Variants in LYRM4 observed in about 807,000 individuals in gnomAD.
The protein encoded by LYRM4 is LYR motif containing 4, also known as LYR motif-containing protein 4.
In LYRM4, 9 loss-of-function variants were observed where a neutral mutation model predicts 11.7. That is an observed-to-expected ratio of 0.77 (90% confidence interval 0.46 to 1.34). LYRM4 has a LOEUF of 1.34. LYRM4 is among the 40% of genes most tolerant of loss of function. LYRM4 has a pLI of 0.00. For missense variants in LYRM4, 133 were observed against 112.5 expected, an observed-to-expected ratio of 1.18 and a Z score of -0.82; for synonymous variants, 42 against 40.4, an observed-to-expected ratio of 1.04 and a Z score of -0.15.
At chr6:5,161,217 T>A (rs534650356) in intron 2 of LYRM4, among the ~76,000 whole-genome samples, 1 of 152,200 alleles carries the variant, frequency 6.6e-6, no homozygotes, top group Non-Finnish European at 1.5e-5. Context: ...AAAACTATGT[T>A]AAGAATTAGA....
At chr6:5,159,374 T>A (rs1581404479) in intron 2 of LYRM4, among the ~76,000 whole-genome samples, 1 of 152,154 alleles carries the variant, frequency 6.6e-6, no homozygotes, top group African/African-American at 2.4e-5. Context: ...GAGGGGTGTT[T>A]CAAAAACCAG....
chr6:5,118,095 T>TATA (rs34304149), intron 2 of LYRM4, among the ~76,000 whole-genome samples: 1 of 96,884 alleles, frequency 1.0e-5, no homozygotes, highest in African/African-American at 4.0e-5. Flanking sequence ...TATATATATA[T>TATA]TTTTGTTTTG....
intron 1 of LYRM4, among the ~76,000 whole-genome samples, chr6:5,251,328 G>A (rs1345423971): frequency 1.3e-5 from 2 of 151,844 alleles, no homozygotes; most frequent in Non-Finnish European, 2.9e-5. Flanking sequence ...TCATATTAGG[G>A]TGGTATTTGA....
At chr6:5,153,921 A>G (rs1029082285) in intron 2 of LYRM4, among the ~76,000 whole-genome samples, 2 of 152,210 alleles carry the variant, frequency 1.3e-5, no homozygotes, top group African/African-American at 4.8e-5. Flanking sequence ...AATTGCAGCA[A>G]TAAACCCTGA....
chr6:5,242,509 CAGG>C (rs895376692), intron 1 of LYRM4, among the ~76,000 whole-genome samples: 2 of 151,356 alleles, frequency 1.3e-5, no homozygotes, highest in Non-Finnish European at 2.9e-5. Context: ...CTCCTGAGGT[CAGG>C]AGTTCGAGAC....
At chr6:5,125,475 C>T (rs1027458930) in intron 2 of LYRM4, among the ~76,000 whole-genome samples, 1 of 152,172 alleles carries the variant, frequency 6.6e-6, no homozygotes, top group Non-Finnish European at 1.5e-5. Context: ...CCCAGTGCCT[C>T]GCGTGGTGCC....
chr6:5,113,949 G>C (rs1763004532), intron 2 of LYRM4, among the ~76,000 whole-genome samples: 1 of 152,194 alleles, frequency 6.6e-6, no homozygotes, highest in African/African-American at 2.4e-5. Context: ...AACCACATGA[G>C]ATAACTGTGG....
intron 2 of LYRM4, among the ~76,000 whole-genome samples, chr6:5,120,028 G>A (rs1763352854): frequency 6.6e-6 from 1 of 151,874 alleles, no homozygotes; most frequent in Non-Finnish European, 1.5e-5. Context: ...CCGAGTAGCT[G>A]GGACTACAGG....
At chr6:5,145,741 T>C (rs1184538375) in intron 2 of LYRM4, among the ~76,000 whole-genome samples, 1 of 152,224 alleles carries the variant, frequency 6.6e-6, no homozygotes, top group East Asian at 1.9e-4. Context: ...GTCTTTAATA[T>C]ACGCCCACTT....
chr6:5,112,303 C>T (rs762164362), intron 2 of LYRM4, among the ~76,000 whole-genome samples: 1 of 152,246 alleles, frequency 6.6e-6, no homozygotes, highest in Non-Finnish European at 1.5e-5. Flanking sequence ...CTGGTGAACA[C>T]TGCTTTCTGT....
intron 1 of LYRM4, among the ~76,000 whole-genome samples, chr6:5,236,848 T>G (rs1395723695): frequency 6.6e-6 from 1 of 151,780 alleles, no homozygotes; most frequent in African/African-American, 2.4e-5. Flanking sequence ...CCCCAGCTAT[T>G]TGGGAGCCTG....
At chr6:5,133,215 T>A (rs570315805) in intron 2 of LYRM4, among the ~76,000 whole-genome samples, 1 of 152,336 alleles carries the variant, frequency 6.6e-6, no homozygotes, top group East Asian at 1.9e-4. Flanking sequence ...CTCTTTCCTC[T>A]CACATAAAAG....
chr6:5,085,686 C>T, the LYRM4 span: 1 of 1,548,258 alleles, frequency 6.5e-7, no homozygotes. Context: ...AGGCCGCCCC[C>T]CAGGAGCAGG....
chr6:5,149,026 A>G (rs879600323), intron 2 of LYRM4, among the ~76,000 whole-genome samples: 1 of 152,168 alleles, frequency 6.6e-6, no homozygotes, highest in African/African-American at 2.4e-5. Flanking sequence ...CACATTAATT[A>G]TTATATTTTT....
chr6:5,201,187 G>A (rs934661369), intron 2 of LYRM4, among the ~76,000 whole-genome samples: 3 of 152,054 alleles, frequency 2.0e-5, no homozygotes, highest in Admixed American at 1.3e-4. Flanking sequence ...GATATGGAAT[G>A]TATCAGTCTT....
chr6:5,099,405 C>CTATCTATT (rs1159688244), downstream of LYRM4, among the ~76,000 whole-genome samples: 24 of 151,572 alleles, frequency 1.6e-4, no homozygotes, highest in African/African-American at 5.8e-4. This position sits in a 1 kb window ranked among gnomAD's most constrained non-coding sequence, Gnocchi z 4.3. Flanking sequence ...ATCTATCTAT[C>CTATCTATT]TATCTATCTA....
At chr6:5,072,982 A>G in the LYRM4 span, among the ~76,000 whole-genome samples, 1 of 152,236 alleles carries the variant, frequency 6.6e-6, no homozygotes, top group Admixed American at 6.5e-5. Context: ...TTTTAAATTA[A>G]TTGCATGACA....
chr6:5,146,487 C>A (rs889940611), intron 2 of LYRM4, among the ~76,000 whole-genome samples: 3 of 152,164 alleles, frequency 2.0e-5, no homozygotes, highest in African/African-American at 7.2e-5. Flanking sequence ...AGGATTTATA[C>A]CCCCAGGCAG....
chr6:5,040,958 G>A, the LYRM4 span, among the ~76,000 whole-genome samples: 6 of 152,054 alleles, frequency 3.9e-5, no homozygotes, highest in South Asian at 2.1e-4. Context: ...CCCCATATGC[G>A]AGACCAAAAT....
Sources: allele counts gnomAD v4.1 joint callset (sites outside exome capture counted in the v4.1 genomes callset), GRCh38; gene constraint gnomAD v4.1.1; non-coding constraint Gnocchi (gnomAD v3.1); transcripts MANE v1.5; gene names NCBI Gene and HGNC (gene_info 2026-07-23, HGNC 2026-07-21).